AZIN1: variants seen among roughly 807,000 people sequenced by gnomAD.
AZIN1 encodes the protein antizyme inhibitor 1.
In AZIN1, 12 loss-of-function variants were observed where a neutral mutation model predicts 47.4. The observed-to-expected ratio is 0.25, with a 90% CI of 0.16 to 0.41. The LOEUF is 0.41. Ranked by LOEUF, AZIN1 falls within the 10% of genes least tolerant of loss-of-function variation. AZIN1 has a pLI of 1.00. For missense variants in AZIN1, 410 were observed against 532.4 expected (o/e 0.77, Z 2.26); for synonymous variants, 155 against 176.3 (o/e 0.88, Z 0.96).
At chr8:102,844,870 TC>T (rs1812464420) in intron 2 of AZIN1, among the ~76,000 whole-genome samples, 1 of 152,058 alleles carries the variant, frequency 6.6e-6, no homozygotes, top group Non-Finnish European at 1.5e-5. Flanking sequence ...ACCTGCCCAC[TC>T]CCCCGGAGCA....
At chr8:102,858,234 C>T (rs557185931) in intron 1 of AZIN1, 84 bp from the exon 2 acceptor site, 4 of 396,402 alleles carry the variant, frequency 1.0e-5, no homozygotes, top group East Asian at 7.1e-5. Flanking sequence ...CTGTAGAATA[C>T]GTGTTCATTT....
intron 3 of AZIN1, 53 bp from the exon 4 acceptor site, chr8:102,839,876 C>T: frequency 1.4e-6 from 2 of 1,388,878 alleles, no homozygotes; most frequent in Non-Finnish European, 2.0e-6. Flanking sequence ...CATTGAAAAT[C>T]AAGTATCAAA....
chr8:102,856,685 A>C (rs545998001), intron 2 of AZIN1, among the ~76,000 whole-genome samples: 11 of 152,362 alleles, frequency 7.2e-5, no homozygotes, highest in Admixed American at 7.2e-4. Flanking sequence ...TGTTAACTTT[A>C]ACAGATTGCA....
intron 3 of AZIN1, among the ~76,000 whole-genome samples, chr8:102,842,044 G>A (rs747796135): frequency 5.3e-5 from 8 of 151,956 alleles, no homozygotes; most frequent in East Asian, 1.9e-4. Context: ...CAGGGAGGCC[G>A]AGGTTGTAGT....
At chr8:102,842,851 G>A (rs754870613) in intron 3 of AZIN1, among the ~76,000 whole-genome samples, 3 of 152,022 alleles carry the variant, frequency 2.0e-5, no homozygotes, top group African/African-American at 4.8e-5. Flanking sequence ...AGGTCACAGT[G>A]AGCTGAGATC....
At chr8:102,846,740 T>G (rs546069991) in intron 2 of AZIN1, among the ~76,000 whole-genome samples, 1 of 152,160 alleles carries the variant, frequency 6.6e-6, no homozygotes, top group African/African-American at 2.4e-5. Context: ...ATATGAACAC[T>G]CATACTTGTT....
At chr8:102,844,926 A>G (rs1812469423) in intron 2 of AZIN1, among the ~76,000 whole-genome samples, 1 of 152,182 alleles carries the variant, frequency 6.6e-6, no homozygotes, top group Non-Finnish European at 1.5e-5. Context: ...ATAAAGGTTT[A>G]TCTTCTTTGT....
chr8:102,834,043 T>G (rs1811653887), intron 8 of AZIN1, 146 bp downstream of exon 8: 1 of 561,386 alleles, frequency 1.8e-6, no homozygotes, highest in African/African-American at 1.9e-5. Flanking sequence ...GTCTACTAAC[T>G]GCCTATTCCT....
chr8:102,841,839 G>A (rs142845881), intron 3 of AZIN1, among the ~76,000 whole-genome samples: 4,589 of 150,130 alleles, frequency 0.031, 108 homozygotes, highest in Non-Finnish European at 0.046. Flanking sequence ...GGCTGGGCGC[G>A]GTGGCTCGCG....
chr8:102,852,965 C>T (rs538462694), intron 2 of AZIN1, among the ~76,000 whole-genome samples: 3 of 152,286 alleles, frequency 2.0e-5, no homozygotes, highest in African/African-American at 7.2e-5. Flanking sequence ...CTGCCATATA[C>T]TAGATTTTAA....
At chr8:102,854,754 T>A (rs1180650048) in intron 2 of AZIN1, among the ~76,000 whole-genome samples, 1 of 151,136 alleles carries the variant, frequency 6.6e-6, no homozygotes, top group Admixed American at 6.6e-5. Context: ...AGTTCCTACA[T>A]GAATATATAG....
At chr8:102,863,212 G>A (rs1413505688) in intron 1 of AZIN1, among the ~76,000 whole-genome samples, 4 of 152,146 alleles carry the variant, frequency 2.6e-5, no homozygotes, top group South Asian at 2.1e-4. Context: ...ACCAGAGGGG[G>A]ACCGCGCTCC....
At position 102,864,066 on chromosome 8, in the gene AZIN1, T is replaced by TGCAGAGCA. The variant is rs2131303518; in HGVS notation, c.-501_-494dup. The TGCAGAGCA allele has an allele frequency of 6.0e-6, 1 of 165,500 alleles. No individual in the cohort carries two copies. Among genetic ancestry groups the TGCAGAGCA allele is most frequent in the Non-Finnish European group, 1.3e-5 (1 of 76,848 alleles). 10.3% of individuals were successfully genotyped at this position (165,500 alleles called of 1,614,324 possible). A position where few individuals can be genotyped will look rare whatever the true frequency, so the allele number is the denominator to read the frequency against. ...GGAAGAGGATTCGGACTCGTCACAC[T>TGCAGAGCA]GCAGAGCAGCAGAGCGAGAAAGGAT... On this transcript the variant is annotated 5_prime_UTR_variant, in exon 1 of 12. Coordinates refer to ENST00000337198, the MANE Select transcript of AZIN1 (RefSeq NM_148174.4).
chr8:102,831,878 C>T (rs1811484872), intron 9 of AZIN1, among the ~76,000 whole-genome samples: 1 of 152,022 alleles, frequency 6.6e-6, no homozygotes, highest in African/African-American at 2.4e-5. Flanking sequence ...ACTGCTTAAG[C>T]CGGGAGGTGG....
intron 10 of AZIN1, 117 bp from the exon 11 acceptor site, chr8:102,829,603 G>A (rs1377536838): frequency 3.9e-6 from 4 of 1,034,804 alleles, no homozygotes; most frequent in East Asian, 2.4e-5. Context: ...AAAAGGCCTA[G>A]AGCCAAGGGC....
chr8:102,842,706 CA>C (rs10713234), intron 3 of AZIN1, among the ~76,000 whole-genome samples: 60,960 of 133,440 alleles, frequency 0.46, 13,060 homozygotes, highest in Admixed American at 0.51. Context: ...GACTCCATCT[CA>C]AAAAAAAAAA....
intron 3 of AZIN1, among the ~76,000 whole-genome samples, chr8:102,842,932 T>A (rs1420047065): frequency 2.0e-5 from 3 of 149,382 alleles, no homozygotes; most frequent in African/African-American, 7.4e-5. Flanking sequence ...AAAAAAGAAT[T>A]GAGGCTGGGC....
chr8:102,862,935 A>G (rs138686372), intron 1 of AZIN1, among the ~76,000 whole-genome samples: 1 of 152,370 alleles, frequency 6.6e-6, no homozygotes, highest in African/African-American at 2.4e-5. Flanking sequence ...TTGGCAGTCA[A>G]GACAGTAGTT....
chr8:102,828,377 A>C lies in AZIN1; in HGVS notation c.*190T>G. On this transcript the variant is annotated 3_prime_UTR_variant, in exon 12 of 12. Transcript: ENST00000337198. Reference sequence around the variant, plus strand: ...GGTTTAAATCTGGATACATTATCTAAATCTCCCATTATCCCCAATGAATTA... The same window carrying C: ...GGTTTAAATCTGGATACATTATCTACATCTCCCATTATCCCCAATGAATTA... 2.2e-6 allele frequency: 1 copy of C among 455,120 alleles called. No homozygotes were observed. The highest frequency in any genetic ancestry group is 4.0e-6 in the Non-Finnish European group (1 of 253,076). The allele number at this position is 455,120 out of a possible 1,614,324, so 28.2% of individuals were successfully genotyped here. A position where few individuals can be genotyped will look rare whatever the true frequency, so the allele number is the denominator to read the frequency against.
Sources: allele counts gnomAD v4.1 joint callset (sites outside exome capture counted in the v4.1 genomes callset), GRCh38; gene constraint gnomAD v4.1.1; transcripts MANE v1.5; gene names NCBI Gene and HGNC (gene_info 2026-07-23, HGNC 2026-07-21).